PHC2: variants seen among roughly 807,000 people sequenced by gnomAD.
PHC2 encodes the protein polyhomeotic homolog 2.
Under a neutral mutation model 87.4 loss-of-function variants are expected in PHC2, and 29 were observed. The observed-to-expected ratio is 0.33, with a 90% confidence interval of 0.25 to 0.45. The LOEUF (loss-of-function observed/expected upper bound fraction) is 0.45. Among genes scored for constraint, PHC2 ranks in the 20% least tolerant of loss-of-function variants. The pLI, the probability that PHC2 is intolerant of heterozygous loss-of-function variation, is 1.00. For synonymous variants in PHC2, 438 were observed against 461.7 expected, an observed-to-expected ratio of 0.95 and a Z score of 0.66; for missense variants, 857 against 1,136.7, an observed-to-expected ratio of 0.75 and a Z score of 3.54.
At chr1:33,429,863 C>A (rs546469425) in intron 1 of PHC2, among the ~76,000 whole-genome samples, 1 of 152,198 alleles carries the variant, frequency 6.6e-6, no homozygotes, top group South Asian at 2.1e-4. Context: ...TTAGAAGGAA[C>A]GACTTTAGAC....
chr1:33,389,019 T>C (rs1570503650), intron 1 of PHC2, among the ~76,000 whole-genome samples: 1 of 139,080 alleles, frequency 7.2e-6, no homozygotes, highest in Admixed American at 7.3e-5. Flanking sequence ...TCCACCAGGC[T>C]CCCAAAAGCC....
At chr1:33,325,279 T>C (rs1050228421) in intron 14 of PHC2, 5 of 412,622 alleles carry the variant, frequency 1.2e-5, no homozygotes, top group Admixed American at 4.0e-5. Flanking sequence ...GGCGGACCCA[T>C]GTCCACTAAA....
At chr1:33,327,429 T>C (rs917542725) in intron 14 of PHC2, among the ~76,000 whole-genome samples, 2 of 152,180 alleles carry the variant, frequency 1.3e-5, no homozygotes, top group African/African-American at 4.8e-5. Flanking sequence ...GAGGGTATTC[T>C]GCATGAGGAA....
At chr1:33,340,230 AT>A (rs1646717796) in intron 9 of PHC2, among the ~76,000 whole-genome samples, 1 of 152,244 alleles carries the variant, frequency 6.6e-6, no homozygotes, top group Non-Finnish European at 1.5e-5. Context: ...AGCAGAGTAG[AT>A]GATAACATGG....
At chr1:33,366,663 CA>C (rs1647469308) in intron 7 of PHC2, among the ~76,000 whole-genome samples, 1 of 152,200 alleles carries the variant, frequency 6.6e-6, no homozygotes, top group Non-Finnish European at 1.5e-5. Flanking sequence ...ACATGATTGG[CA>C]AATACTAATC....
At chr1:33,357,312 TA>T (rs1407722824) in intron 7 of PHC2, among the ~76,000 whole-genome samples, 7 of 152,330 alleles carry the variant, frequency 4.6e-5, no homozygotes, top group African/African-American at 1.7e-4. Context: ...CAAACTGAGT[TA>T]GGGGAGGTGC....
intron 9 of PHC2, among the ~76,000 whole-genome samples, chr1:33,350,177 C>T (rs6673519): frequency 0.17 from 26,275 of 152,014 alleles, 2,807 homozygotes; most frequent in South Asian, 0.27. Context: ...CCGTTCACTC[C>T]CTGAGGGGCC....
chr1:33,398,913 G>A (rs1428076820), intron 1 of PHC2, among the ~76,000 whole-genome samples: 2 of 152,172 alleles, frequency 1.3e-5, no homozygotes, highest in Admixed American at 1.3e-4. Context: ...AGTTGACCTC[G>A]ATAGCCTCGC....
At chr1:33,330,023 G>A in intron 13 of PHC2, 48 bp downstream of exon 13, 1 of 1,601,718 alleles carries the variant, frequency 6.2e-7, no homozygotes, top group Non-Finnish European at 8.5e-7. Flanking sequence ...TGGAAGGGAA[G>A]CTGTGGGGAC....
chr1:33,331,197 A>G lies in PHC2; in HGVS notation c.2006+151T>C. The G allele has an allele frequency of 2.0e-6, 1 of 492,914 alleles. No individual in the cohort carries two copies. Among genetic ancestry groups the G allele is most frequent in the Non-Finnish European group, 3.6e-6 (1 of 276,298 alleles). 30.5% of individuals were successfully genotyped at this position (492,914 alleles called of 1,614,324 possible). A position where few individuals can be genotyped will look rare whatever the true frequency, so the allele number is the denominator to read the frequency against. ...GGGTTCTGGCTTCTCGTGCTTGTTG[A>G]ATTAGGGATGCCATCCTGCTTCCAG... is the stretch of plus-strand genomic sequence containing the variant. On this transcript the variant is annotated intron_variant, in intron 12 of 14. Transcript: ENST00000683057. The surrounding 1 kb of genome is among the most constrained non-coding windows in gnomAD (Gnocchi z 5.2).
rs1430934682 is a variant in PHC2 at position 33,354,949 on chromosome 1, T to A, written c.1281A>T (p.Thr427=). 11 of 1,613,976 alleles carry A rather than the reference T, an allele frequency of 6.8e-6. No individual in the cohort carries two copies. Among genetic ancestry groups the A allele is most frequent in the Non-Finnish European group, 9.3e-6 (11 of 1,179,996 alleles). The change falls in exon 8 of 15, where the codon ACA becomes ACT. Residue 427 remains threonine (T), a synonymous_variant. Transcript: ENST00000683057. ...GTCCATTCTGAGGCCCAGTATCAGG[T>A]GTGGGAGGGTGACACTGCTGACTGC... The part of the protein sequence containing the change: ...PGGSQQCHPP[T]PDTGPQNGHP...
chr1:33,394,559 TTTTTA>T (rs1358422487), intron 1 of PHC2, among the ~76,000 whole-genome samples: 3 of 152,040 alleles, frequency 2.0e-5, no homozygotes, highest in Non-Finnish European at 2.9e-5. Context: ...AGAGGCAATG[TTTTTA>T]TTTTATTATT....
intron 9 of PHC2, among the ~76,000 whole-genome samples, chr1:33,352,388 T>C (rs1244437949): frequency 6.6e-6 from 1 of 152,222 alleles, no homozygotes; most frequent in Non-Finnish European, 1.5e-5. Context: ...TGTTTTTTTC[T>C]ATGCCTCAGT....
At chr1:33,376,188 C>T in intron 1 of PHC2, among the ~76,000 whole-genome samples, 1 of 152,212 alleles carries the variant, frequency 6.6e-6, no homozygotes, top group Non-Finnish European at 1.5e-5. Context: ...GCGACCACCA[C>T]CACACCCAGC....
At chr1:33,426,317 T>TG (rs34820645) in intron 1 of PHC2, among the ~76,000 whole-genome samples, 19,799 of 148,968 alleles carry the variant, frequency 0.13, 1,354 homozygotes, top group East Asian at 0.27. Flanking sequence ...TCAAAGCTGC[T>TG]GGGGGGGGGT....
intron 1 of PHC2, among the ~76,000 whole-genome samples, chr1:33,387,006 A>G (rs1648795900): frequency 6.6e-6 from 1 of 152,248 alleles, no homozygotes; most frequent in Non-Finnish European, 1.5e-5. Context: ...CTATGTCCTG[A>G]CAAGTATGAC....
intron 9 of PHC2, chr1:33,346,585 T>C (rs776715108): frequency 1.2e-4 from 116 of 985,286 alleles, no homozygotes; most frequent in Non-Finnish European, 1.4e-4. Context: ...GAAAAACTCT[T>C]GGTAAACACC....
intron 2 of PHC2, among the ~76,000 whole-genome samples, chr1:33,373,680 T>C (rs1327680931): frequency 3.3e-5 from 5 of 152,112 alleles, no homozygotes; most frequent in African/African-American, 1.2e-4. Flanking sequence ...CTGGTCACCC[T>C]CCTGCCATCT....
At chr1:33,346,934 A>G in intron 9 of PHC2, 2 of 985,420 alleles carry the variant, frequency 2.0e-6, no homozygotes, top group Non-Finnish European at 2.4e-6. Context: ...AAGAAAATGT[A>G]GAGAGGGGAC....
Sources: allele counts gnomAD v4.1 joint callset (sites outside exome capture counted in the v4.1 genomes callset), GRCh38; gene constraint gnomAD v4.1.1; non-coding constraint Gnocchi (gnomAD v3.1); transcripts MANE v1.5; gene names NCBI Gene and HGNC (gene_info 2026-07-23, HGNC 2026-07-21).